The following BLTP3A variants were observed in gnomAD, a reference collection of about 807,000 sequenced individuals.
BLTP3A encodes the protein bridge-like lipid transfer protein family member 3A.
chr6:34,803,214 A>G, the BLTP3A span, among the ~76,000 whole-genome samples: 2 of 151,592 alleles, frequency 1.3e-5, no homozygotes, highest in Non-Finnish European at 2.9e-5. Context: ...TTTAGTAACT[A>G]AGAGAGGCAT....
chr6:34,855,377 C>T, the BLTP3A span, among the ~76,000 whole-genome samples: 4 of 152,182 alleles, frequency 2.6e-5, no homozygotes, highest in Non-Finnish European at 5.9e-5. Flanking sequence ...AATCTGGCAA[C>T]CATTTACAGA....
chr6:34,856,073 C>T, the BLTP3A span, among the ~76,000 whole-genome samples: 2 of 152,154 alleles, frequency 1.3e-5, no homozygotes, highest in East Asian at 3.8e-4. Flanking sequence ...ATATGGAACC[C>T]AGAAGAATGT....
chr6:34,796,795 C>T, the BLTP3A span, among the ~76,000 whole-genome samples: 2 of 152,216 alleles, frequency 1.3e-5, no homozygotes, highest in South Asian at 2.1e-4. Flanking sequence ...CCTCTGCCCC[C>T]CCGAGTTCAA....
chr6:34,802,083 G>A, the BLTP3A span, among the ~76,000 whole-genome samples: 1 of 152,106 alleles, frequency 6.6e-6, no homozygotes, highest in South Asian at 2.1e-4. Context: ...CTGCCATGAG[G>A]GAAGATCGTT....
the BLTP3A span, chr6:34,864,043 T>C: frequency 1.2e-6 from 2 of 1,611,832 alleles, no homozygotes; most frequent in Non-Finnish European, 1.7e-6. Context: ...GCAGCCCCAG[T>C]GAGTGGAGGT....
the BLTP3A span, among the ~76,000 whole-genome samples, chr6:34,861,436 A>G: frequency 6.6e-6 from 1 of 152,168 alleles, no homozygotes; most frequent in East Asian, 1.9e-4. Context: ...TATAATTTTA[A>G]TTTTTTAAAT....
At chr6:34,859,865 C>A in the BLTP3A span, among the ~76,000 whole-genome samples, 1 of 151,904 alleles carries the variant, frequency 6.6e-6, no homozygotes, top group Admixed American at 6.6e-5. Flanking sequence ...GCCTTGGCTT[C>A]CTGAGTAGCT....
chr6:34,822,698 A>G, the BLTP3A span, among the ~76,000 whole-genome samples: 10 of 152,038 alleles, frequency 6.6e-5, no homozygotes, highest in African/African-American at 1.9e-4. Context: ...TCTACTAAAA[A>G]TACAAAAAAT....
the BLTP3A span, chr6:34,858,868 C>T: frequency 1.2e-6 from 2 of 1,614,182 alleles, no homozygotes; most frequent in Non-Finnish European, 1.7e-6. Flanking sequence ...GTACTTGGCT[C>T]TGCTTCGCCT....
chr6:34,792,494 T>G, the BLTP3A span, among the ~76,000 whole-genome samples: 4 of 151,944 alleles, frequency 2.6e-5, no homozygotes. Context: ...GCTCTGTGCT[T>G]CCCCCGCGCT....
chr6:34,858,136 C>G, the BLTP3A span: 1 of 1,611,438 alleles, frequency 6.2e-7, no homozygotes, highest in East Asian at 2.2e-5. Context: ...GAGCTTTCCA[C>G]TGGAAAAGAG....
chr6:34,872,007 C>A, the BLTP3A span: 19 of 1,397,146 alleles, frequency 1.4e-5, no homozygotes, highest in Non-Finnish European at 1.8e-5. Flanking sequence ...GGTTGGGGGG[C>A]AAAAAGGTTG....
the BLTP3A span, chr6:34,856,372 G>A: frequency 6.2e-7 from 1 of 1,614,148 alleles, no homozygotes. Flanking sequence ...AACCACCCTG[G>A]CACCTTGGAG....
chr6:34,854,543 T>C, the BLTP3A span, among the ~76,000 whole-genome samples: 49 of 152,310 alleles, frequency 3.2e-4, no homozygotes, highest in African/African-American at 1.0e-3. Flanking sequence ...TATATACATA[T>C]AGTATGTTAA....
At chr6:34,853,946 G>A in the BLTP3A span, among the ~76,000 whole-genome samples, 24 of 152,158 alleles carry the variant, frequency 1.6e-4, no homozygotes, top group Admixed American at 4.6e-4. Flanking sequence ...GCCAGGCACG[G>A]TGGCTTATCC....
chr6:34,792,193 A>T, the BLTP3A span: 5 of 1,502,160 alleles, frequency 3.3e-6, no homozygotes, highest in Non-Finnish European at 3.6e-6. Flanking sequence ...TCTTCTCCAC[A>T]ACTGAGGAGG....
chr6:34,829,982 T>C, the BLTP3A span, among the ~76,000 whole-genome samples: 2 of 151,846 alleles, frequency 1.3e-5, no homozygotes, highest in Non-Finnish European at 2.9e-5. Context: ...TTTTTTTGTG[T>C]GTGTGTGTTT....
the BLTP3A span, chr6:34,855,734 CG>C: frequency 1.2e-6 from 2 of 1,612,134 alleles, no homozygotes; most frequent in Non-Finnish European, 1.7e-6. Flanking sequence ...GGCCAATTCT[CG>C]CATAGCCCAA....
At chr6:34,855,091 C>T in the BLTP3A span, among the ~76,000 whole-genome samples, 1 of 151,982 alleles carries the variant, frequency 6.6e-6, no homozygotes, top group Non-Finnish European at 1.5e-5. Flanking sequence ...TTTATAATGT[C>T]CTGTTTGTGT....
Sources: allele counts gnomAD v4.1 joint callset (sites outside exome capture counted in the v4.1 genomes callset), GRCh38; gene constraint gnomAD v4.1.1; transcripts MANE v1.5; gene names NCBI Gene and HGNC (gene_info 2026-07-23, HGNC 2026-07-21).